The following VPS13B variants were observed in gnomAD, a reference collection of about 807,000 sequenced individuals.
The protein encoded by VPS13B is intermembrane lipid transfer protein VPS13B.
Under a neutral mutation model 426.4 loss-of-function variants are expected in VPS13B, and 285 were observed. That is an observed-to-expected ratio of 0.67 (90% CI 0.61 to 0.74). The LOEUF (loss-of-function observed/expected upper bound fraction) is 0.74. Ranked by LOEUF, VPS13B falls within the 30% of genes least tolerant of loss-of-function variation. The pLI is 0.00. For missense variants in VPS13B, 4,537 were observed against 4,782.6 expected (o/e 0.95, Z 1.51); for synonymous variants, 1,676 against 1,676.4 (o/e 1.00, Z 0.01).
intron 39 of VPS13B, among the ~76,000 whole-genome samples, chr8:99,759,288 A>G (rs1003612260): frequency 6.6e-6 from 1 of 152,078 alleles, no homozygotes; most frequent in Non-Finnish European, 1.5e-5. Context: ...CAGCATCTTA[A>G]GCTCCCTCAC....
At chr8:99,062,010 C>G (rs888956700) in intron 3 of VPS13B, among the ~76,000 whole-genome samples, 1 of 152,104 alleles carries the variant, frequency 6.6e-6, no homozygotes, top group Non-Finnish European at 1.5e-5. Flanking sequence ...GATGTTTCAC[C>G]TTAGTTGTTA....
intron 33 of VPS13B, among the ~76,000 whole-genome samples, chr8:99,620,645 C>T (rs940876880): frequency 6.6e-6 from 1 of 151,948 alleles, no homozygotes; most frequent in Admixed American, 6.6e-5. Flanking sequence ...GAAGACACCC[C>T]TCTCAGTAAA....
chr8:99,405,843 A>G (rs1242160240), intron 21 of VPS13B, among the ~76,000 whole-genome samples: 1 of 144,746 alleles, frequency 6.9e-6, no homozygotes, highest in Non-Finnish European at 1.5e-5. Flanking sequence ...TAGTGGCGTG[A>G]TCTTGGCTCA....
intron 19 of VPS13B, among the ~76,000 whole-genome samples, chr8:99,383,134 G>A (rs182072261): frequency 6.6e-4 from 101 of 152,188 alleles, no homozygotes; most frequent in Middle Eastern, 3.4e-3. Context: ...AGTTCTATTC[G>A]AACTACTTTT....
intron 40 of VPS13B, among the ~76,000 whole-genome samples, chr8:99,772,604 T>C (rs1021221204): frequency 1.3e-5 from 2 of 152,196 alleles, no homozygotes; most frequent in Non-Finnish European, 2.9e-5. Flanking sequence ...TTAAAATGGT[T>C]AAAATGATAA....
At chr8:99,692,386 A>G (rs1451140529) in intron 35 of VPS13B, among the ~76,000 whole-genome samples, 1 of 139,132 alleles carries the variant, frequency 7.2e-6, no homozygotes, top group South Asian at 2.5e-4. Context: ...AGGATTAAGA[A>G]TCTCACTCAA....
At chr8:99,410,571 TTTA>T (rs1419172813) in intron 21 of VPS13B, among the ~76,000 whole-genome samples, 1 of 150,558 alleles carries the variant, frequency 6.6e-6, no homozygotes, top group African/African-American at 2.4e-5. Context: ...TATTTATTTA[TTTA>T]TTATTATAAT....
chr8:99,178,702 A>G (rs1448493647), intron 16 of VPS13B, among the ~76,000 whole-genome samples: 2 of 151,856 alleles, frequency 1.3e-5, no homozygotes, highest in East Asian at 3.9e-4. Context: ...ACTCACTGCA[A>G]CCTCTATCTC....
chr8:99,337,903 G>C (rs1424879400), intron 19 of VPS13B, among the ~76,000 whole-genome samples: 2 of 151,736 alleles, frequency 1.3e-5, no homozygotes, highest in African/African-American at 4.8e-5. Flanking sequence ...TAGAGATCAA[G>C]TTTTTGTTTT....
intron 25 of VPS13B, among the ~76,000 whole-genome samples, chr8:99,488,553 T>A (rs1437899259): frequency 1.3e-5 from 2 of 152,322 alleles, no homozygotes; most frequent in East Asian, 3.9e-4. Context: ...AGCAAAGATC[T>A]TTGTCTTAAT....
At chr8:99,385,174 T>C (rs1814046939) in intron 20 of VPS13B, among the ~76,000 whole-genome samples, 1 of 152,118 alleles carries the variant, frequency 6.6e-6, no homozygotes, top group South Asian at 2.1e-4. Context: ...ATTCTGACAG[T>C]TTTATTATTT....
At position 99,727,081 on chromosome 8, in the gene VPS13B, T is replaced by C. The variant is rs145529266; in HGVS notation, c.7050+6034T>C. 6.3e-3 allele frequency among the ~76,000 whole-genome samples: 962 copies of C among 152,228 alleles called. 8 individuals are homozygous for C. Among genetic ancestry groups the C allele is most frequent in the African/African-American group, 0.022 (904 of 41,524 alleles). On this transcript the variant is annotated intron_variant, in intron 39 of 61. Transcript: ENST00000357162. Reference sequence around the variant, plus strand: ...GTGGGCCTCATTCCCATTTTACAAGTAGGAAAACTGAGGCCAAGAAAAAGT... The same window carrying C: ...GTGGGCCTCATTCCCATTTTACAAGCAGGAAAACTGAGGCCAAGAAAAAGT...
At chr8:99,201,272 A>T (rs1814305145) in intron 17 of VPS13B, among the ~76,000 whole-genome samples, 1 of 152,126 alleles carries the variant, frequency 6.6e-6, no homozygotes, top group African/African-American at 2.4e-5. Context: ...TATATAATTG[A>T]GTTCCAGTTT....
At chr8:99,319,278 T>C (rs1809848765) in intron 19 of VPS13B, among the ~76,000 whole-genome samples, 1 of 152,162 alleles carries the variant, frequency 6.6e-6, no homozygotes, top group South Asian at 2.1e-4. Flanking sequence ...GAAATAGCCG[T>C]GAGTGATGTG....
intron 3 of VPS13B, among the ~76,000 whole-genome samples, chr8:99,078,460 T>C (rs140108548): frequency 1.2e-3 from 183 of 152,152 alleles, no homozygotes; most frequent in African/African-American, 4.1e-3. Context: ...CCCCAGTGGC[T>C]TAGGCTGTGG....
chr8:99,095,473 A>G (rs1846369329), intron 3 of VPS13B, among the ~76,000 whole-genome samples: 1 of 152,184 alleles, frequency 6.6e-6, no homozygotes, highest in East Asian at 1.9e-4. Context: ...TGATCTTTCT[A>G]GTTCTTCCAA....
intron 41 of VPS13B, among the ~76,000 whole-genome samples, chr8:99,778,226 C>T (rs1213840370): frequency 7.1e-6 from 1 of 141,236 alleles, no homozygotes; most frequent in African/African-American, 2.6e-5. Context: ...AACAAGACTC[C>T]ATCTCAAAAA....
rs778709502 is a variant in VPS13B at position 99,121,451 on chromosome 8, T to A, written c.1206+6T>A. On this transcript the variant is annotated splice_donor_region_variant and intron_variant, in intron 8 of 61. Transcript: ENST00000357162. ...AGGCAACGGTGACTTTCAAAGTAGG[T>A]CTTTTCTCTTGCTGTTTATATCTCT... 1.6e-5 allele frequency: 26 copies of A among 1,613,966 alleles called. No homozygotes were observed. The highest frequency in any genetic ancestry group is 1.9e-5 in the Non-Finnish European group (22 of 1,179,982).
chr8:99,828,394 G>GCTTTTTTTTTTTTTTTTT lies in VPS13B; in HGVS notation c.9331-3975_9331-3974insCTTTTTTTTTTTTTTTTT. 7.5e-4 allele frequency among the ~76,000 whole-genome samples: 13 copies of GCTTTTTTTTTTTTTTTTT among 17,424 alleles called. 1 individual carries two copies. Among genetic ancestry groups the GCTTTTTTTTTTTTTTTTT allele is most frequent in the East Asian group, 3.7e-3 (2 of 534 alleles). The allele number at this position is 17,424 out of a possible 152,430, so 11.4% of individuals were successfully genotyped here. ...ATCAGAGACTAGGATTACAACCACC[G>GCTTTTTTTTTTTTTTTTT]TTTTTTTTTTTTTTTTTTTTTTTTT... On this transcript the variant is annotated intron_variant, in intron 51 of 61. Coordinates refer to ENST00000357162, the MANE Select transcript of VPS13B (RefSeq NM_152564.5).
Sources: gnomAD v4.1 joint callset for allele counts (sites outside exome capture counted in the v4.1 genomes callset) on GRCh38, gnomAD v4.1.1 for gene constraint, MANE v1.5 for transcripts, NCBI Gene and HGNC (gene_info 2026-07-23, HGNC 2026-07-21) for gene names.